GRM5: variants seen among roughly 807,000 people sequenced by gnomAD.
GRM5 encodes the protein glutamate metabotropic receptor 5.
GRM5 carries 19 observed loss-of-function variants against 83.1 expected under a neutral mutation model. The observed-to-expected ratio is 0.23, with a 90% CI of 0.16 to 0.34. GRM5 has a LOEUF of 0.34. Among genes scored for constraint, GRM5 ranks in the 10% least tolerant of loss-of-function variants. GRM5 has a pLI of 1.00. For synonymous variants in GRM5, 675 were observed against 633.6 expected (o/e 1.07, Z -0.98); for missense variants, 1,160 against 1,588.3 (o/e 0.73, Z 4.58).
At chr11:88,663,265 G>A (rs1436404348) in intron 3 of GRM5, among the ~76,000 whole-genome samples, 2 of 152,176 alleles carry the variant, frequency 1.3e-5, no homozygotes, top group Non-Finnish European at 2.9e-5. Context: ...TATCCATCCT[G>A]TCTTGATTTT....
At chr11:89,002,658 T>G (rs1388292400) in intron 2 of GRM5, among the ~76,000 whole-genome samples, 1 of 152,188 alleles carries the variant, frequency 6.6e-6, no homozygotes, top group African/African-American at 2.4e-5. Context: ...TGTTTAATAA[T>G]CTATTGCAGG....
At chr11:88,764,826 G>A (rs959621424) in intron 3 of GRM5, among the ~76,000 whole-genome samples, 1 of 150,972 alleles carries the variant, frequency 6.6e-6, no homozygotes, top group Admixed American at 6.6e-5. Flanking sequence ...GATAGAAGAA[G>A]GAAGGAAATA....
intron 1 of GRM5, among the ~76,000 whole-genome samples, chr11:89,051,410 TA>T (rs918122399): frequency 1.7e-4 from 26 of 151,998 alleles, no homozygotes; most frequent in African/African-American, 5.8e-4. Context: ...CAGGCTCTTA[TA>T]AAAAAAATTT....
intron 2 of GRM5, among the ~76,000 whole-genome samples, chr11:89,004,870 C>T (rs1940480567): frequency 6.6e-6 from 1 of 152,202 alleles, no homozygotes; most frequent in Non-Finnish European, 1.5e-5. Flanking sequence ...GACTAGAAGC[C>T]TGTCTTCTAT....
At chr11:88,607,330 C>T (rs1442733880) in intron 4 of GRM5, among the ~76,000 whole-genome samples, 1 of 152,010 alleles carries the variant, frequency 6.6e-6, no homozygotes, top group Non-Finnish European at 1.5e-5. Context: ...TCCTTCATAC[C>T]TTCACAACTC....
Position 88,604,807 on chromosome 11 carries a change from C to G in GRM5, c.1305G>C (p.Arg435=). Residue 435 remains arginine, a synonymous_variant, in exon 5 of 10, where the codon CGG becomes CGC. Coordinates refer to ENST00000305447, the MANE Select transcript of GRM5 (RefSeq NM_001143831.3). ...TTTTCATCAGGGACTCCAAAAGTTT[C>G]CGTCCATCAATTGGCTTCATGGCAT... ...LCDAMKPIDG[R]KLLESLMKTN... 6.2e-7 allele frequency: 1 copy of G among 1,613,562 alleles called. No homozygotes were observed. The highest frequency in any genetic ancestry group is 1.3e-5 in the African/African-American group (1 of 75,018).
intron 3 of GRM5, among the ~76,000 whole-genome samples, chr11:88,737,311 T>A (rs899897680): frequency 6.6e-6 from 1 of 152,064 alleles, no homozygotes; most frequent in Non-Finnish European, 1.5e-5. Context: ...TGTCCCTGCA[T>A]GTGTAGCCTC....
At chr11:88,854,325 G>A (rs1249762493) in intron 2 of GRM5, among the ~76,000 whole-genome samples, 2 of 151,744 alleles carry the variant, frequency 1.3e-5, no homozygotes, top group African/African-American at 2.4e-5. Context: ...ATTGTGTCTA[G>A]GGGGCGTCAC....
intron 3 of GRM5, among the ~76,000 whole-genome samples, chr11:88,693,144 T>G (rs1363521745): frequency 2.6e-5 from 4 of 152,134 alleles, no homozygotes; most frequent in Non-Finnish European, 4.4e-5. Context: ...TCAATTCAAT[T>G]CAATTCAATT....
At chr11:88,651,738 C>G (rs1053750779) in intron 4 of GRM5, among the ~76,000 whole-genome samples, 1 of 152,024 alleles carries the variant, frequency 6.6e-6, no homozygotes, top group Non-Finnish European at 1.5e-5. Context: ...GCAATGATTT[C>G]TGGATTTCAT....
chr11:88,696,501 T>C (rs940105469), intron 3 of GRM5, among the ~76,000 whole-genome samples: 1 of 152,116 alleles, frequency 6.6e-6, no homozygotes, highest in African/African-American at 2.4e-5. Context: ...AAGAATGACA[T>C]GTGATTTGAA....
chr11:88,976,882 C>G (rs568710566), intron 2 of GRM5, among the ~76,000 whole-genome samples: 1 of 151,974 alleles, frequency 6.6e-6, no homozygotes, highest in South Asian at 2.1e-4. Context: ...CTTAGATATG[C>G]TATTTTTTCC....
At chr11:88,754,831 C>T (rs908531378) in intron 3 of GRM5, among the ~76,000 whole-genome samples, 3 of 152,084 alleles carry the variant, frequency 2.0e-5, no homozygotes, top group Non-Finnish European at 4.4e-5. Flanking sequence ...TCAAATTCTG[C>T]AGTTATACTA....
intron 3 of GRM5, among the ~76,000 whole-genome samples, chr11:88,757,530 G>A (rs1190238694): frequency 6.6e-6 from 1 of 152,056 alleles, no homozygotes; most frequent in Non-Finnish European, 1.5e-5. Flanking sequence ...CCTGCTCTGA[G>A]CAGCCACAGA....
At chr11:88,843,192 G>T (rs2135532493) in intron 3 of GRM5, among the ~76,000 whole-genome samples, 1 of 152,066 alleles carries the variant, frequency 6.6e-6, no homozygotes, top group Admixed American at 6.5e-5. Context: ...GTGTAATTTT[G>T]TTAATTCTCA....
At chr11:88,920,831 AG>A (rs1945678096) in intron 2 of GRM5, among the ~76,000 whole-genome samples, 1 of 152,192 alleles carries the variant, frequency 6.6e-6, no homozygotes, top group African/African-American at 2.4e-5. Flanking sequence ...GTTCTCTGAG[AG>A]CCCAGTGACA....
intron 3 of GRM5, among the ~76,000 whole-genome samples, chr11:88,731,885 C>T (rs1292685186): frequency 6.6e-6 from 1 of 151,908 alleles, no homozygotes; most frequent in Admixed American, 6.6e-5. Context: ...TCCTTTTAGG[C>T]TATAAAAAGG....
chr11:88,688,923 C>A (rs1940711794), intron 3 of GRM5, among the ~76,000 whole-genome samples: 1 of 151,942 alleles, frequency 6.6e-6, no homozygotes, highest in Non-Finnish European at 1.5e-5. Context: ...ACAAAAGAAC[C>A]AAATCTACAT....
At chr11:88,890,086 G>A (rs140088076) in intron 2 of GRM5, among the ~76,000 whole-genome samples, 2 of 148,144 alleles carry the variant, frequency 1.4e-5, no homozygotes, top group African/African-American at 5.0e-5. Context: ...AGAGAAGCAT[G>A]CTCTTGGCCA....
Sources: allele counts gnomAD v4.1 joint callset (sites outside exome capture counted in the v4.1 genomes callset), GRCh38; gene constraint gnomAD v4.1.1; transcripts MANE v1.5; gene names NCBI Gene and HGNC (gene_info 2026-07-23, HGNC 2026-07-21).